The following CCL24 variants were observed in gnomAD, a reference collection of about 807,000 sequenced individuals.
The protein encoded by CCL24 is C-C motif chemokine 24.
In CCL24, 6 loss-of-function variants were observed where a neutral mutation model predicts 8.6. The observed-to-expected ratio is 0.70, with a 90% CI of 0.38 to 1.38. CCL24 has a LOEUF of 1.38. CCL24 is among the 40% of genes most tolerant of loss of function. The probability of loss-of-function intolerance (pLI) is 0.02; values close to 1 mark genes in which losing one functional copy is unlikely to be tolerated. For synonymous variants in CCL24, 59 were observed against 52.7 expected (o/e 1.12, Z -0.52); for missense variants, 126 against 147.1 (o/e 0.86, Z 0.74).
intron 1 of CCL24, among the ~76,000 whole-genome samples, chr7:75,820,973 AC>A (rs1804039196): frequency 6.6e-6 from 1 of 151,560 alleles, no homozygotes; most frequent in South Asian, 2.1e-4. Context: ...CCCTCATCGA[AC>A]CCTGCTATAT....
chr7:75,819,268 CAAAAAAAAAAAAAAAAAAAAAA>C (rs1177321755), intron 1 of CCL24, among the ~76,000 whole-genome samples: 12 of 20,496 alleles, frequency 5.9e-4, no homozygotes, highest in African/African-American at 3.1e-3. Context: ...AACTCCGTCT[CAAAAAAAAAAAAAAAAAAAAAA>C]AAAAAAAAAA....
At position 75,811,648 on chromosome 7, in the gene CCL24, G is replaced by T; in HGVS notation, c.*148C>A. The stretch of plus-strand genomic sequence containing the variant: ...GGAACCACATCACCTGCTCCCTCGG[G>T]TTTTTCATAGAAGAGACACATCCCT... On this transcript the variant is annotated 3_prime_UTR_variant, in exon 3 of 3. Transcript: ENST00000222902. 1.5e-6 allele frequency: 1 copy of T among 686,232 alleles called. No individual in the cohort carries two copies. The highest frequency in any genetic ancestry group is 2.3e-6 in the Non-Finnish European group (1 of 426,348). The allele number at this position is 686,232 out of a possible 1,614,324, so 42.5% of individuals were successfully genotyped here.
At chr7:75,823,301 G>A (rs1324070116) in intron 1 of CCL24, 2 of 152,384 alleles carry the variant, frequency 1.3e-5, no homozygotes, top group Admixed American at 1.3e-4. Flanking sequence ...CCAGAATACT[G>A]GGCACAGGGG....
chr7:75,818,897 T>C (rs1554534540), intron 1 of CCL24, among the ~76,000 whole-genome samples: 1 of 151,836 alleles, frequency 6.6e-6, no homozygotes, highest in Non-Finnish European at 1.5e-5. Context: ...ATTTAAATGT[T>C]TTGTTATGGT....
intron 2 of CCL24, among the ~76,000 whole-genome samples, chr7:75,812,930 G>GAAAAA: frequency 7.0e-6 from 1 of 143,046 alleles, no homozygotes; most frequent in Non-Finnish European, 1.5e-5. Flanking sequence ...TGTCTCAGGG[G>GAAAAA]AAAAAAAAAA....
upstream of CCL24, among the ~76,000 whole-genome samples, chr7:75,816,893 C>G (rs955113882): frequency 1.7e-4 from 25 of 150,754 alleles, no homozygotes; most frequent in African/African-American, 5.9e-4. Flanking sequence ...GAGACAAGGT[C>G]TCACTCTGTT....
intron 1 of CCL24, among the ~76,000 whole-genome samples, chr7:75,821,103 T>G (rs1448504851): frequency 1.3e-5 from 2 of 152,140 alleles, no homozygotes; most frequent in African/African-American, 4.8e-5. Flanking sequence ...AGTGTCCAGA[T>G]GGAGGAGGTC....
intron 1 of CCL24, among the ~76,000 whole-genome samples, chr7:75,821,775 A>C (rs1804053451): frequency 6.6e-6 from 1 of 152,004 alleles, no homozygotes; most frequent in Non-Finnish European, 1.5e-5. Context: ...AAAAATACAA[A>C]AAATTAGCCG....
At chr7:75,814,314 C>T (rs540812121), upstream of CCL24, among the ~76,000 whole-genome samples, 144 of 152,156 alleles carry the variant, frequency 9.5e-4, 5 homozygotes, top group South Asian at 0.017. Flanking sequence ...GCTTGTAATC[C>T]CTGTGCTTTG....
rs901193572 is a variant in CCL24 at position 75,821,800 on chromosome 7, C to T, written c.-60+1522G>A. ...AAAATTAGCCGGGCGTAGTGGCGGG[C>T]GCCTGTAGTCCCAGCTACTTGGGAG... On this transcript the variant is annotated intron_variant, in intron 1 of 3. Transcript: ENST00000416943. 2.0e-4 allele frequency among the ~76,000 whole-genome samples: 31 copies of T among 151,452 alleles called. No individual in the cohort carries two copies. The East Asian group carries it at 5.3e-3, about 26-fold the overall frequency.
At position 75,811,741 on chromosome 7, in the gene CCL24, A is replaced by C; in HGVS notation, c.*55T>G. ...ATCACTGTGGCTTCTCCAGGCCCCG[A>C]GTAGCCCGCCAAGCAGCTCAGGCCC... On this transcript the variant is annotated 3_prime_UTR_variant, in exon 3 of 3. Transcript: ENST00000222902. The C allele has an allele frequency of 6.6e-7, 1 of 1,521,562 alleles. No individual in the cohort carries two copies. Among genetic ancestry groups the C allele is most frequent in the Non-Finnish European group, 8.9e-7 (1 of 1,123,412 alleles). The allele number at this position is 1,521,562 out of a possible 1,614,324, so 94.3% of individuals were successfully genotyped here.
In CCL24 at chr7:75,811,306, T is replaced by G. The variant is rs760988849; in HGVS notation, c.*490A>C. On this transcript the variant is annotated 3_prime_UTR_variant, in exon 3 of 3. Coordinates refer to ENST00000222902, the MANE Select transcript of CCL24 (RefSeq NM_002991.3). ...CCAGCCTGGCCAACATGGTGAAACC[T>G]CATCTCTACTAAAAATACAAAAGTT... is the stretch of plus-strand genomic sequence containing the variant. Among the ~76,000 whole-genome samples the G allele has an allele frequency of 1.3e-5, 2 of 151,532 alleles. No individual in the cohort carries two copies. The highest frequency in any genetic ancestry group is 2.9e-5 in the Non-Finnish European group (2 of 67,894).
intron 2 of CCL24, 89 bp downstream of exon 2, chr7:75,813,217 C>T: frequency 2.7e-6 from 2 of 739,888 alleles, no homozygotes. Context: ...ATGCACAGAG[C>T]TGGGGCTGGC....
chr7:75,813,297 G>A lies in CCL24; in HGVS notation c.191+9C>T. 6.4e-6 allele frequency: 10 copies of A among 1,553,314 alleles called. No homozygotes were observed. The highest frequency in any genetic ancestry group is 8.9e-6 in the Non-Finnish European group (10 of 1,125,824). ...CCTCTCCTGCCACGTGCCCATGAAGGATACCTACATCACTCCTGCCTTGAG... is the reference window on the plus strand; with the variant it reads ...CCTCTCCTGCCACGTGCCCATGAAGAATACCTACATCACTCCTGCCTTGAG... On this transcript the variant is annotated intron_variant, in intron 2 of 2. Coordinates refer to ENST00000222902, the MANE Select transcript of CCL24 (RefSeq NM_002991.3).
intron 1 of CCL24, among the ~76,000 whole-genome samples, chr7:75,820,082 C>CTTCTTCTTT (rs1563353882): frequency 2.9e-5 from 4 of 139,818 alleles, no homozygotes; most frequent in African/African-American, 1.0e-4. Flanking sequence ...TCTTCTTCTT[C>CTTCTTCTTT]TTCTTCCTCT....
At chr7:75,818,924 G>C (rs1803952766) in intron 1 of CCL24, among the ~76,000 whole-genome samples, 1 of 151,170 alleles carries the variant, frequency 6.6e-6, no homozygotes, top group African/African-American at 2.4e-5. Flanking sequence ...CTTTAATAAG[G>C]GACTTTAAGG....
chr7:75,818,505 A>G (rs1475092899), upstream of CCL24, among the ~76,000 whole-genome samples: 1 of 151,620 alleles, frequency 6.6e-6, no homozygotes, highest in Non-Finnish European at 1.5e-5. Flanking sequence ...GCCAGGTGCA[A>G]TGGCTCACAC....
At chr7:75,820,106 C>CCTTCTTCTTCTTCTTCTT (rs71534425) in intron 1 of CCL24, among the ~76,000 whole-genome samples, 2 of 72,072 alleles carry the variant, frequency 2.8e-5, no homozygotes, top group East Asian at 1.4e-3. Flanking sequence ...TCTTCTTCTT[C>CCTTCTTCTTCTTCTTCTT]CTTCTTCTTC....
In CCL24 at chr7:75,811,829, G is replaced by A; in HGVS notation, c.327C>T (p.Val109=). 6.2e-7 allele frequency: 1 copy of A among 1,613,546 alleles called. No individual in the cohort carries two copies. Among genetic ancestry groups the A allele is most frequent in the South Asian group, 1.1e-5 (1 of 91,038 alleles). The change falls in exon 3 of 3, where the codon GTC becomes GTT. Residue 109 remains valine, a synonymous_variant. Coordinates refer to ENST00000222902, the MANE Select transcript of CCL24 (RefSeq NM_002991.3). ...RARAVAVKGP[V]QRYPGNQTTC ...TGGTTTGGTTGCCAGGATATCTCTG[G>A]ACAGGGCCCTTGACAGCCACTGCCC...
Sources: gnomAD v4.1 joint callset for allele counts (sites outside exome capture counted in the v4.1 genomes callset) on GRCh38, gnomAD v4.1.1 for gene constraint, MANE v1.5 for transcripts, NCBI Gene and HGNC (gene_info 2026-07-23, HGNC 2026-07-21) for gene names.